The following PPFIA1 variants were observed in gnomAD, a reference collection of about 807,000 sequenced individuals.
PPFIA1 encodes PPFI scaffold protein A1.
A neutral mutation model predicts 149.9 loss-of-function variants in PPFIA1; 25 were observed. The observed-to-expected ratio is 0.17, with a 90% confidence interval of 0.12 to 0.23. The LOEUF (loss-of-function observed/expected upper bound fraction) is 0.23, where lower values mean the gene tolerates loss of function less well. PPFIA1 is among the 10% of genes least tolerant of loss of function. The pLI is 1.00. For synonymous variants in PPFIA1, 549 were observed against 552.8 expected (o/e 0.99, Z 0.10); for missense variants, 1,362 against 1,506.5 (o/e 0.90, Z 1.59).
At chr11:70,286,109 G>A (rs183214338) in intron 2 of PPFIA1, among the ~76,000 whole-genome samples, 78 of 152,272 alleles carry the variant, frequency 5.1e-4, no homozygotes, top group Non-Finnish European at 8.8e-4. Context: ...GTGCCTCGCA[G>A]GTGCCTTACC....
chr11:70,340,328 A>G (rs1047392664), intron 14 of PPFIA1, among the ~76,000 whole-genome samples: 5 of 151,996 alleles, frequency 3.3e-5, no homozygotes, highest in African/African-American at 1.2e-4. Context: ...AGTCCCAGCT[A>G]TTCTTGGGGC....
chr11:70,369,924 C>T (rs2057142450), intron 21 of PPFIA1, among the ~76,000 whole-genome samples: 1 of 151,500 alleles, frequency 6.6e-6, no homozygotes, highest in Non-Finnish European at 1.5e-5. Flanking sequence ...GACATGGCCA[C>T]CATGCCTGGC....
At chr11:70,316,966 T>C (rs1224951447) in intron 2 of PPFIA1, among the ~76,000 whole-genome samples, 1 of 152,264 alleles carries the variant, frequency 6.6e-6, no homozygotes, top group Non-Finnish European at 1.5e-5. Flanking sequence ...TGTTACTTTC[T>C]GTTGTCTCAA....
chr11:70,382,359 CTCT>C (rs1565475214), intron 27 of PPFIA1, among the ~76,000 whole-genome samples: 1 of 152,000 alleles, frequency 6.6e-6, no homozygotes, highest in Non-Finnish European at 1.5e-5. Flanking sequence ...TTAGTGTGTC[CTCT>C]TTTTTTAAGG....
chr11:70,285,092 T>C (rs11235733), intron 2 of PPFIA1, among the ~76,000 whole-genome samples: 34,172 of 151,938 alleles, frequency 0.22, 5,941 homozygotes, highest in African/African-American at 0.48. Flanking sequence ...CTGCAACCTC[T>C]GCCTCACAGG....
chr11:70,371,441 C>CTTCTG (rs2057248391), intron 21 of PPFIA1: 8 of 7,548 alleles, frequency 1.1e-3, no homozygotes, highest in East Asian at 3.3e-3. Flanking sequence ...TCTATGTTCT[C>CTTCTG]TTGTTGGGTG....
intron 2 of PPFIA1, among the ~76,000 whole-genome samples, chr11:70,276,734 T>C (rs2050399850): frequency 6.6e-6 from 1 of 152,116 alleles, no homozygotes; most frequent in African/African-American, 2.4e-5. Context: ...TTCATGTGTC[T>C]ATTTAGATAA....
At chr11:70,303,271 G>A (rs1193512084) in intron 2 of PPFIA1, among the ~76,000 whole-genome samples, 4 of 152,238 alleles carry the variant, frequency 2.6e-5, no homozygotes, top group South Asian at 2.1e-4. Flanking sequence ...AGAATATACC[G>A]AGTCCTGTCT....
intron 26 of PPFIA1, 124 bp from the exon 27 acceptor site, chr11:70,381,964 C>T (rs2057730759): frequency 2.5e-6 from 2 of 788,362 alleles, no homozygotes; most frequent in South Asian, 3.4e-5. Context: ...GGCAGCTCCC[C>T]TCAGGTCCCT....
At chr11:70,367,559 A>T (rs1190005793) in intron 21 of PPFIA1, 2 of 455,802 alleles carry the variant, frequency 4.4e-6, no homozygotes, top group African/African-American at 4.0e-5. Flanking sequence ...TCTAGTTCAG[A>T]TGTTCTCTGG....
intron 14 of PPFIA1, chr11:70,342,169 A>G (rs1021245682): frequency 1.8e-4 from 27 of 152,462 alleles, no homozygotes; most frequent in African/African-American, 6.0e-4. Flanking sequence ...AGATGTCCTT[A>G]TGCTAATGGG....
intron 8 of PPFIA1, 112 bp from the exon 9 acceptor site, chr11:70,331,848 C>T: frequency 8.2e-7 from 1 of 1,215,062 alleles, no homozygotes; most frequent in Non-Finnish European, 1.1e-6. Flanking sequence ...CACTGTAGCT[C>T]TTCCATCATG....
chr11:70,312,660 C>T (rs967739615), intron 2 of PPFIA1, among the ~76,000 whole-genome samples: 5 of 152,164 alleles, frequency 3.3e-5, no homozygotes, highest in Non-Finnish European at 5.9e-5. Flanking sequence ...GTGGAGCCTG[C>T]GTGTTTTGCT....
chr11:70,282,206 G>C (rs1027530675), intron 2 of PPFIA1, among the ~76,000 whole-genome samples: 1 of 152,200 alleles, frequency 6.6e-6, no homozygotes, highest in Non-Finnish European at 1.5e-5. Context: ...TGTGTGGGCT[G>C]TTCCACCCTG....
At chr11:70,289,795 A>G (rs1365972297) in intron 2 of PPFIA1, among the ~76,000 whole-genome samples, 1 of 152,204 alleles carries the variant, frequency 6.6e-6, no homozygotes, top group Non-Finnish European at 1.5e-5. Context: ...TTCTTTTTCA[A>G]ACCAGGTGTG....
chr11:70,325,143 T>A, intron 4 of PPFIA1, 132 bp downstream of exon 4: 1 of 886,678 alleles, frequency 1.1e-6, no homozygotes, highest in Non-Finnish European at 1.6e-6. Flanking sequence ...AAGACAGGGT[T>A]TTGTAGGTTT....
chr11:70,358,585 T>A (rs4644663), intron 19 of PPFIA1: 1 of 152,242 alleles, frequency 6.6e-6, no homozygotes, highest in Non-Finnish European at 1.5e-5. Context: ...ATTGTGTGAA[T>A]ACAGTTTAAT....
At chr11:70,367,634 G>C (rs2057012762) in intron 21 of PPFIA1, 2 of 454,756 alleles carry the variant, frequency 4.4e-6, no homozygotes, top group Non-Finnish European at 8.8e-6. Context: ...GAAGAGGTGG[G>C]TCTCCCTGGG....
chr11:70,372,670 C>T, intron 23 of PPFIA1, 96 bp downstream of exon 23: 1 of 1,029,066 alleles, frequency 9.7e-7, no homozygotes, highest in South Asian at 1.5e-5. Flanking sequence ...TCAAGAAAGG[C>T]TAAATTTAAG....
Sources: gnomAD v4.1 joint callset for allele counts (sites outside exome capture counted in the v4.1 genomes callset) on GRCh38, gnomAD v4.1.1 for gene constraint, MANE v1.5 for transcripts, NCBI Gene and HGNC (gene_info 2026-07-23, HGNC 2026-07-21) for gene names.